HIPK2: variants seen among roughly 807,000 people sequenced by gnomAD.
HIPK2 encodes the protein homeodomain interacting protein kinase 2, also known as homeodomain-interacting protein kinase 2.
A neutral mutation model predicts 113.7 loss-of-function variants in HIPK2; 27 were observed. The observed-to-expected ratio is 0.24, with a 90% CI of 0.17 to 0.33. The LOEUF is 0.33. HIPK2 is among the 10% of genes least tolerant of loss of function. HIPK2 has a pLI of 1.00. For missense variants in HIPK2, 1,257 were observed against 1,588.0 expected, an observed-to-expected ratio of 0.79 and a Z score of 3.54; for synonymous variants, 631 against 642.2, an observed-to-expected ratio of 0.98 and a Z score of 0.26.
Position 139,623,341 on chromosome 7 carries a change from T to C in HIPK2, c.1620-2778A>G, listed in dbSNP as rs573802876. 7.9e-5 allele frequency among the ~76,000 whole-genome samples: 12 copies of C among 151,870 alleles called. No individual in the cohort carries two copies. In the South Asian group the frequency reaches 2.5e-3, roughly 32 times the overall value. ...GCCTGGCCAACATGGGGAAACCCTGTCTCTATTAAAAATACAAAAATTAGT... is the reference window on the plus strand; with the variant it reads ...GCCTGGCCAACATGGGGAAACCCTGCCTCTATTAAAAATACAAAAATTAGT... On this transcript the variant is annotated intron_variant, in intron 6 of 14. Coordinates refer to ENST00000406875, the MANE Select transcript of HIPK2 (RefSeq NM_022740.5).
chr7:139,636,530 A>G (rs2116334293), intron 2 of HIPK2, among the ~76,000 whole-genome samples: 1 of 152,196 alleles, frequency 6.6e-6, no homozygotes, highest in East Asian at 1.9e-4. Context: ...TCCATATCAG[A>G]GGGAAATCTG....
intron 2 of HIPK2, among the ~76,000 whole-genome samples, chr7:139,637,873 T>C (rs536770434): frequency 7.2e-4 from 110 of 152,208 alleles, no homozygotes; most frequent in Non-Finnish European, 1.1e-3. Flanking sequence ...GAGCAGAAGC[T>C]GAGGCTCAGA....
At chr7:139,673,224 A>C (rs2116651935) in intron 2 of HIPK2, among the ~76,000 whole-genome samples, 1 of 152,222 alleles carries the variant, frequency 6.6e-6, no homozygotes, top group East Asian at 1.9e-4. Context: ...CAGATTACGA[A>C]CTGGGAATGC....
rs78603224 is a variant in HIPK2 at position 139,603,031 on chromosome 7, A to G, written c.2255+1050T>C. ...CGTTGCCAGAAGGGAAGTGAGTGGGACTGTGGGGAAGGGCCCAGGTACTCT... is the reference window on the plus strand; with the variant it reads ...CGTTGCCAGAAGGGAAGTGAGTGGGGCTGTGGGGAAGGGCCCAGGTACTCT... On this transcript the variant is annotated intron_variant, in intron 10 of 14. Transcript: ENST00000406875. Among the ~76,000 whole-genome samples, 420 of 152,140 alleles carry G rather than the reference A, an allele frequency of 2.8e-3. 12 individuals are homozygous for G. In the East Asian group the frequency reaches 0.068, roughly 24 times the overall value.
At chr7:139,669,800 G>T (rs980642612) in intron 2 of HIPK2, among the ~76,000 whole-genome samples, 2 of 152,218 alleles carry the variant, frequency 1.3e-5, no homozygotes, top group African/African-American at 4.8e-5. Context: ...AAATGTGTGA[G>T]TGTGGTTTTT....
At chr7:139,715,804 A>G in intron 2 of HIPK2, 128 bp downstream of exon 2, 7 of 1,319,128 alleles carry the variant, frequency 5.3e-6, no homozygotes, top group Non-Finnish European at 7.2e-6. Context: ...TCGTAAGTAC[A>G]TTAAGATCAC....
chr7:139,706,551 A>G (rs915846095), intron 2 of HIPK2, among the ~76,000 whole-genome samples: 1 of 152,196 alleles, frequency 6.6e-6, no homozygotes, highest in Non-Finnish European at 1.5e-5. Context: ...TTTAATAAGC[A>G]TTAAGGGAGA....
In HIPK2 at chr7:139,716,150, G is replaced by A. The variant is rs764552154; in HGVS notation, c.885C>T (p.Pro295=). 3.1e-6 allele frequency: 5 copies of A among 1,614,042 alleles called. No individual in the cohort carries two copies. The highest frequency in any genetic ancestry group is 1.1e-5 in the South Asian group (1 of 91,078). Residue 295 remains proline, a synonymous_variant, in exon 2 of 15, where the codon CCC becomes CCT. Coordinates refer to ENST00000406875, the MANE Select transcript of HIPK2 (RefSeq NM_022740.5). This position sits in a 1 kb window ranked among gnomAD's most constrained non-coding sequence, Gnocchi z 9.3. The stretch of plus-strand genomic sequence containing the variant: ...CTGGGCGAATGTATTTGAGGGGCAA[G>A]GGGCTAAACTTGTTTTGCTTCAGAA... ...YDFLKQNKFS[P]LPLKYIRPVL...
At chr7:139,773,625 G>C (rs924807108) in intron 1 of HIPK2, among the ~76,000 whole-genome samples, 4 of 152,250 alleles carry the variant, frequency 2.6e-5, no homozygotes, top group Admixed American at 2.0e-4. Flanking sequence ...AAGGGAGAGA[G>C]AGAGAGATGA....
chr7:139,612,540 G>A (rs1473054384), intron 9 of HIPK2, among the ~76,000 whole-genome samples: 1 of 152,080 alleles, frequency 6.6e-6, no homozygotes, highest in Non-Finnish European at 1.5e-5. Context: ...GGCATTGTGG[G>A]GATTAAATCA....
Position 139,681,038 on chromosome 7 carries a change from C to T in HIPK2, c.1103+34894G>A, listed in dbSNP as rs372105785. ...GCTGAGTCACTCCATGATAAAGCCA[C>T]TCTTCAAGCTCTATTTTGGGTACAC... On this transcript the variant is annotated intron_variant, in intron 2 of 14. Coordinates refer to ENST00000406875, the MANE Select transcript of HIPK2 (RefSeq NM_022740.5). Among the ~76,000 whole-genome samples, 5 of 152,338 alleles carry T rather than the reference C, an allele frequency of 3.3e-5. No homozygotes were observed. The East Asian group carries it at 9.7e-4, about 29-fold the overall frequency.
At chr7:139,762,647 TA>T (rs1381258671) in intron 1 of HIPK2, among the ~76,000 whole-genome samples, 1 of 152,230 alleles carries the variant, frequency 6.6e-6, no homozygotes, top group Non-Finnish European at 1.5e-5. Flanking sequence ...CTATACACTC[TA>T]AAAGGGTGGC....
chr7:139,730,521 C>T (rs953785081), intron 1 of HIPK2, among the ~76,000 whole-genome samples: 28 of 152,026 alleles, frequency 1.8e-4, no homozygotes, highest in African/African-American at 5.6e-4. Flanking sequence ...CCAACATGCC[C>T]GGCTAATTTT....
intron 1 of HIPK2, among the ~76,000 whole-genome samples, chr7:139,754,592 TA>T (rs761901995): frequency 3.3e-5 from 5 of 152,232 alleles, no homozygotes. Flanking sequence ...GTATGTTAAC[TA>T]AACCTCTTAC....
intron 2 of HIPK2, among the ~76,000 whole-genome samples, chr7:139,681,104 T>C (rs1802684391): frequency 2.0e-5 from 3 of 152,220 alleles, no homozygotes; most frequent in South Asian, 2.1e-4. Flanking sequence ...TCTCCTGATA[T>C]AAATGTACAG....
intron 1 of HIPK2, among the ~76,000 whole-genome samples, 180 bp downstream of exon 1, chr7:139,777,425 C>T (rs10278565): frequency 0.089 from 13,560 of 151,788 alleles, 1,972 homozygotes; most frequent in African/African-American, 0.31. Flanking sequence ...AAGCAAGACC[C>T]TGCCGGCGCC....
chr7:139,727,881 A>G (rs975672121), intron 1 of HIPK2, among the ~76,000 whole-genome samples: 5 of 152,206 alleles, frequency 3.3e-5, no homozygotes, highest in African/African-American at 1.2e-4. Flanking sequence ...GATCAATGAA[A>G]AGAAAATAAA....
rs567183231 is a variant in HIPK2, at chr7:139,643,516, A to T, written c.1104-11791T>A. Among the ~76,000 whole-genome samples the T allele has an allele frequency of 8.1e-4, 124 of 152,316 alleles. 1 individual carries two copies. Among genetic ancestry groups the T allele is most frequent in the African/African-American group, 2.9e-3 (121 of 41,560 alleles). On this transcript the variant is annotated intron_variant, in intron 2 of 14. Transcript: ENST00000406875. ...GCCAGAGGAGAAGGTTGCATCTGCAACTGAAATGAATATAATCTCCAAAGG... is the reference window on the plus strand; with the variant it reads ...GCCAGAGGAGAAGGTTGCATCTGCATCTGAAATGAATATAATCTCCAAAGG...
intron 1 of HIPK2, among the ~76,000 whole-genome samples, chr7:139,765,996 T>G (rs1796546999): frequency 6.6e-6 from 1 of 152,228 alleles, no homozygotes; most frequent in African/African-American, 2.4e-5. Flanking sequence ...CAGATTTTGA[T>G]GAAAACAAAG....
Sources: allele counts gnomAD v4.1 joint callset (sites outside exome capture counted in the v4.1 genomes callset), GRCh38; gene constraint gnomAD v4.1.1; non-coding constraint Gnocchi (gnomAD v3.1); transcripts MANE v1.5; gene names NCBI Gene and HGNC (gene_info 2026-07-23, HGNC 2026-07-21).